The following PRKCA variants were observed in gnomAD, a reference collection of about 807,000 sequenced individuals.
The protein encoded by PRKCA is protein kinase C alpha type.
PRKCA carries 27 observed loss-of-function variants against 87.0 expected under a neutral mutation model. The observed-to-expected ratio is 0.31, with a 90% confidence interval of 0.23 to 0.43. PRKCA has a LOEUF of 0.43. PRKCA is among the 20% of genes least tolerant of loss of function. PRKCA has a pLI of 1.00. For synonymous variants in PRKCA, 329 were observed against 311.1 expected (o/e 1.06, Z -0.61); for missense variants, 518 against 852.3 (o/e 0.61, Z 4.88).
chr17:66,738,336 G>A (rs950325751), intron 10 of PRKCA, among the ~76,000 whole-genome samples: 3 of 152,166 alleles, frequency 2.0e-5, no homozygotes, highest in Non-Finnish European at 4.4e-5. Flanking sequence ...AGTATGGCAC[G>A]CCTCCCAGAC....
intron 3 of PRKCA, among the ~76,000 whole-genome samples, chr17:66,627,936 A>G (rs1377164304): frequency 2.6e-5 from 4 of 152,098 alleles, no homozygotes; most frequent in Admixed American, 1.3e-4. Context: ...AGAGAAGAAA[A>G]CCTCAGCTAT....
intron 14 of PRKCA, chr17:66,777,501 A>C (rs1975085037): frequency 1.0e-6 from 1 of 977,304 alleles, no homozygotes; most frequent in Non-Finnish European, 1.2e-6. Context: ...CAGTTCGTAC[A>C]CAGTCACCAT....
Position 66,513,431 on chromosome 17 carries a change from A to T in PRKCA, c.288+17148A>T, listed in dbSNP as rs938955596. Among the ~76,000 whole-genome samples, 3 of 152,234 alleles carry T rather than the reference A, an allele frequency of 2.0e-5. No homozygotes were observed. The East Asian group carries it at 5.8e-4, about 29-fold the overall frequency. ...TTAGAATATGCAGCCTATAAAATTA[A>T]TTTTAAAATAAAATGCATACAGTCA... is the stretch of plus-strand genomic sequence containing the variant. On this transcript the variant is annotated intron_variant, in intron 3 of 16. Transcript: ENST00000413366.
chr17:66,562,158 A>G (rs1159846936), intron 3 of PRKCA, among the ~76,000 whole-genome samples: 4 of 89,480 alleles, frequency 4.5e-5, no homozygotes, highest in East Asian at 3.4e-4. Flanking sequence ...ATTAAATTAT[A>G]TATATAATTA....
intron 3 of PRKCA, among the ~76,000 whole-genome samples, chr17:66,583,906 G>T (rs2143483950): frequency 6.6e-6 from 1 of 152,244 alleles, no homozygotes; most frequent in East Asian, 1.9e-4. Flanking sequence ...CCCTCTAATA[G>T]GTAAGACTAT....
intron 2 of PRKCA, among the ~76,000 whole-genome samples, chr17:66,358,559 A>C (rs1239929120): frequency 6.7e-6 from 1 of 150,280 alleles, no homozygotes; most frequent in Non-Finnish European, 1.5e-5. Context: ...TATTGAGAAG[A>C]AGAAACGTAA....
chr17:66,587,769 G>A lies in PRKCA; in HGVS notation c.289-53586G>A, dbSNP rs866199399. ...TGTGTGTATATGTATACATATATACGTATATGTGTGTATATGTATACATAT... is the reference window on the plus strand; with the variant it reads ...TGTGTGTATATGTATACATATATACATATATGTGTGTATATGTATACATAT... On this transcript the variant is annotated intron_variant, in intron 3 of 16. Coordinates refer to ENST00000413366, the MANE Select transcript of PRKCA (RefSeq NM_002737.3). Among the ~76,000 whole-genome samples the A allele has an allele frequency of 4.0e-4, 28 of 69,578 alleles. 5 individuals are homozygous for A. In the South Asian group the frequency reaches 0.01, roughly 25 times the overall value. 45.6% of individuals were successfully genotyped at this position (69,578 alleles called of 152,430 possible). A position where few individuals can be genotyped will look rare whatever the true frequency, so the allele number is the denominator to read the frequency against.
chr17:66,746,472 T>C (rs780189302), intron 13 of PRKCA, among the ~76,000 whole-genome samples: 11 of 152,142 alleles, frequency 7.2e-5, no homozygotes, highest in Non-Finnish European at 1.3e-4. Flanking sequence ...TGTGGAAAAT[T>C]CAAAATGTGT....
chr17:66,630,572 C>T (rs1970983226), intron 3 of PRKCA, among the ~76,000 whole-genome samples: 1 of 152,188 alleles, frequency 6.6e-6, no homozygotes, highest in Admixed American at 6.5e-5. Flanking sequence ...ATGGCATGTC[C>T]CAAATAGCAG....
At chr17:66,531,159 A>C (rs999768926) in intron 3 of PRKCA, among the ~76,000 whole-genome samples, 4 of 152,184 alleles carry the variant, frequency 2.6e-5, no homozygotes, top group Non-Finnish European at 2.9e-5. Flanking sequence ...GCTTCAGGAA[A>C]GCCTTCTATT....
chr17:66,318,424 AT>A lies in PRKCA; in HGVS notation c.205+12301del, dbSNP rs199662247. Among the ~76,000 whole-genome samples the A allele has an allele frequency of 5.2e-3, 774 of 149,820 alleles. 4 individuals carry two copies. The highest frequency in any genetic ancestry group is 0.018 in the African/African-American group (729 of 40,680). On this transcript the variant is annotated intron_variant, in intron 2 of 16. Transcript: ENST00000413366. The stretch of plus-strand genomic sequence containing the variant: ...ATCCTTTTTTTTTTCTTTTTTACTT[AT>A]TTTGTACAACTAGGCACCATAGCAC...
chr17:66,595,673 G>T (rs1389904535), intron 3 of PRKCA, among the ~76,000 whole-genome samples: 1 of 151,962 alleles, frequency 6.6e-6, no homozygotes, highest in Non-Finnish European at 1.5e-5. Context: ...ATGTTAGCTA[G>T]GATGGTTTCA....
Position 66,803,960 on chromosome 17 carries a change from A to G in PRKCA, c.1942A>G (p.Ile648Val), listed in dbSNP as rs765338275. 2.4e-5 allele frequency: 39 copies of G among 1,613,978 alleles called. No homozygotes were observed. Among genetic ancestry groups the G allele is most frequent in the South Asian group, 3.3e-5 (3 of 91,084 alleles). The change falls in exon 17 of 17, where the codon ATA becomes GTA. Residue 648 changes from isoleucine (I) to valine (V), a missense_variant. Around this residue, in one of 5 missense-constraint regions of PRKCA, gnomAD observed 159 missense variants for 232.4 expected, o/e 0.68. Transcript: ENST00000413366. This position sits in a 1 kb window ranked among gnomAD's most constrained non-coding sequence, Gnocchi z 4.4. Reference sequence around the variant, plus strand: ...ACCTGATCAGCTGGTTATTGCTAACATAGACCAGTCTGATTTTGAAGGGTT... The same window carrying G: ...ACCTGATCAGCTGGTTATTGCTAACGTAGACCAGTCTGATTTTGAAGGGTT... ...TPPDQLVIAN[I>V]DQSDFEGFSY... is the part of the protein sequence containing the mutation.
At chr17:66,304,882 A>AAGT (rs1904721450) in intron 1 of PRKCA, among the ~76,000 whole-genome samples, 1 of 152,020 alleles carries the variant, frequency 6.6e-6, no homozygotes, top group Admixed American at 6.5e-5. Context: ...GGTTAAGAGG[A>AAGT]GGTCAGCTGT....
intron 16 of PRKCA, chr17:66,796,417 A>G (rs987008724): frequency 2.0e-6 from 2 of 984,330 alleles, no homozygotes; most frequent in African/African-American, 3.5e-5. Context: ...TATTCTCCAA[A>G]TCCTCTCCTT....
chr17:66,425,604 A>G (rs1265079124), intron 2 of PRKCA, among the ~76,000 whole-genome samples: 1 of 152,228 alleles, frequency 6.6e-6, no homozygotes, highest in Non-Finnish European at 1.5e-5. Flanking sequence ...GAGAAAAATA[A>G]TGGTGTTCCT....
At chr17:66,622,880 A>G (rs1186425506) in intron 3 of PRKCA, among the ~76,000 whole-genome samples, 1 of 152,264 alleles carries the variant, frequency 6.6e-6, no homozygotes, top group Non-Finnish European at 1.5e-5. Flanking sequence ...TGATTCAATC[A>G]TCTACCACCA....
chr17:66,745,670 GAC>G (rs1266270114), intron 13 of PRKCA, among the ~76,000 whole-genome samples: 1 of 152,108 alleles, frequency 6.6e-6, no homozygotes, highest in Admixed American at 6.5e-5. Flanking sequence ...AACGGAGTGA[GAC>G]ACCGTCTCAA....
intron 8 of PRKCA, among the ~76,000 whole-genome samples, chr17:66,726,162 G>A (rs1191446237): frequency 6.7e-6 from 1 of 149,638 alleles, no homozygotes; most frequent in East Asian, 2.0e-4. Context: ...AGGTGTGCAG[G>A]ACAGAAAGCT....
Sources: allele counts gnomAD v4.1 joint callset (sites outside exome capture counted in the v4.1 genomes callset), GRCh38; gene constraint gnomAD v4.1.1; regional missense constraint gnomAD v4.1.1; non-coding constraint Gnocchi (gnomAD v3.1); transcripts MANE v1.5; gene names NCBI Gene and HGNC (gene_info 2026-07-23, HGNC 2026-07-21).